RGS7: variants seen among roughly 807,000 people sequenced by gnomAD.
RGS7 encodes the protein regulator of G protein signaling 7.
A neutral mutation model predicts 81.1 loss-of-function variants in RGS7; 27 were observed. The ratio of observed to expected loss-of-function variants is 0.33; its 90% CI spans 0.25 to 0.46. The LOEUF is 0.46. RGS7 is among the 20% of genes least tolerant of loss of function. The pLI is 1.00. For missense variants in RGS7, 396 were observed against 607.4 expected (o/e 0.65, Z 3.66); for synonymous variants, 208 against 207.7 (o/e 1.00, Z -0.01).
Position 241,309,601 on chromosome 1 carries a change from C to T in RGS7, c.78+46098G>A, listed in dbSNP as rs1434024182. ...TGCCACTCGACAGGAAAGATATAGA[C>T]AATAAAGTCATCCTTTAAGGTGTTA... On this transcript the variant is annotated intron_variant, in intron 2 of 18. Transcript: ENST00000440928. Among the ~76,000 whole-genome samples, 3 of 152,056 alleles carry T rather than the reference C, an allele frequency of 2.0e-5. No individual in the cohort carries two copies. In the South Asian group the frequency reaches 6.2e-4, roughly 32 times the overall value.
chr1:241,288,176 C>T (rs1228912770), intron 2 of RGS7, among the ~76,000 whole-genome samples: 1 of 152,212 alleles, frequency 6.6e-6, no homozygotes, highest in African/African-American at 2.4e-5. Flanking sequence ...AAGAAATGAA[C>T]ATTGGCAGAT....
At chr1:241,072,141 T>C (rs1024724317) in intron 3 of RGS7, among the ~76,000 whole-genome samples, 9 of 152,106 alleles carry the variant, frequency 5.9e-5, no homozygotes, top group Admixed American at 1.3e-4. Context: ...GCACACCTGA[T>C]GAGTTAAGCC....
chr1:241,031,361 T>C (rs1436634271), intron 3 of RGS7, among the ~76,000 whole-genome samples: 1 of 152,222 alleles, frequency 6.6e-6, no homozygotes, highest in Non-Finnish European at 1.5e-5. Flanking sequence ...CCATATTTTC[T>C]TTCTCCAGTC....
chr1:241,221,039 A>AAAAGAAAG (rs60833569), intron 2 of RGS7, among the ~76,000 whole-genome samples: 1,842 of 92,668 alleles, frequency 0.02, 55 homozygotes, highest in East Asian at 0.049. Context: ...GGAAGGAAGG[A>AAAAGAAAG]AAAGAAAGAA....
chr1:241,282,665 G>A (rs775849522), intron 2 of RGS7, among the ~76,000 whole-genome samples: 15 of 152,152 alleles, frequency 9.9e-5, no homozygotes, highest in Non-Finnish European at 1.9e-4. Context: ...AAAGCATTCA[G>A]TCTTTCACCA....
At chr1:241,217,876 A>C (rs916971496) in intron 2 of RGS7, among the ~76,000 whole-genome samples, 1 of 152,238 alleles carries the variant, frequency 6.6e-6, no homozygotes, top group Admixed American at 6.5e-5. Context: ...AGAACCTTTC[A>C]GGAGGCTTTC....
intron 2 of RGS7, among the ~76,000 whole-genome samples, chr1:241,121,931 C>T (rs944014494): frequency 9.2e-5 from 14 of 151,850 alleles, no homozygotes; most frequent in African/African-American, 3.1e-4. Context: ...TTCAAATTCC[C>T]GAGCTTACGC....
intron 2 of RGS7, among the ~76,000 whole-genome samples, chr1:241,175,886 G>A (rs949776488): frequency 7.9e-5 from 12 of 152,166 alleles, no homozygotes; most frequent in African/African-American, 2.9e-4. Flanking sequence ...TAGCTAAGAA[G>A]AATAGTGAAC....
chr1:240,870,716 T>G (rs1664335011), intron 6 of RGS7, among the ~76,000 whole-genome samples: 1 of 152,164 alleles, frequency 6.6e-6, no homozygotes, highest in Non-Finnish European at 1.5e-5. Context: ...CAAAACCTCC[T>G]AAAAGGGTCA....
chr1:241,166,919 C>G (rs893069160), intron 2 of RGS7, among the ~76,000 whole-genome samples: 4 of 152,138 alleles, frequency 2.6e-5, no homozygotes, highest in African/African-American at 4.8e-5. Flanking sequence ...CTACTGCCAG[C>G]GATGGGAATC....
chr1:240,983,094 T>G lies in RGS7; in HGVS notation c.211A>C (p.Thr71Pro), dbSNP rs573507054. ...DIVQWLIKNL[T>P]IEDPVEALHL... Reference sequence around the variant, plus strand: ...ATTTATTTACCTGGATCTTCTATAGTTAAGTTCTTTATCAACCATTGAACA... The same window carrying G: ...ATTTATTTACCTGGATCTTCTATAGGTAAGTTCTTTATCAACCATTGAACA... The change falls in exon 4 of 19, where the codon ACT becomes CCT. Residue 71 changes from threonine (T) to proline (P), a missense_variant. Physicochemically the swap from Thr to Pro is conservative, Grantham distance 38. Transcript: ENST00000440928. 6.5e-7 allele frequency: 1 copy of G among 1,544,748 alleles called. No homozygotes were observed. Among genetic ancestry groups the G allele is most frequent in the African/African-American group, 1.4e-5 (1 of 73,656 alleles).
At chr1:241,030,078 AAAGATT>A (rs1227743876) in intron 3 of RGS7, among the ~76,000 whole-genome samples, 1 of 152,130 alleles carries the variant, frequency 6.6e-6, no homozygotes, top group Non-Finnish European at 1.5e-5. Context: ...CACTGAGAGT[AAAGATT>A]ACTCTTTTTA....
chr1:240,802,359 G>A (rs546640974), intron 16 of RGS7, among the ~76,000 whole-genome samples: 1 of 152,106 alleles, frequency 6.6e-6, no homozygotes, highest in Non-Finnish European at 1.5e-5. Flanking sequence ...CCCCCATAAT[G>A]TGCTTGGCTA....
chr1:240,864,784 G>T (rs1277227992), intron 9 of RGS7, among the ~76,000 whole-genome samples: 3 of 152,086 alleles, frequency 2.0e-5, no homozygotes, highest in African/African-American at 7.2e-5. Context: ...TGATAAGGCT[G>T]GAGGAAAAAA....
At chr1:240,864,217 C>T (rs969837044) in intron 9 of RGS7, among the ~76,000 whole-genome samples, 5 of 152,078 alleles carry the variant, frequency 3.3e-5, no homozygotes, top group African/African-American at 1.2e-4. Context: ...ATATCTGGCA[C>T]ATACTGATAT....
intron 9 of RGS7, among the ~76,000 whole-genome samples, chr1:240,838,594 T>C (rs1411936665): frequency 2.0e-5 from 3 of 152,214 alleles, no homozygotes; most frequent in Admixed American, 2.0e-4. Flanking sequence ...AGTTCTTTTC[T>C]AGATTTCATA....
chr1:241,086,672 C>T (rs919924549), intron 3 of RGS7, among the ~76,000 whole-genome samples: 3 of 152,032 alleles, frequency 2.0e-5, no homozygotes, highest in African/African-American at 7.2e-5. Flanking sequence ...CTGCTATTTC[C>T]CTGCTCAAAA....
chr1:241,104,700 T>C (rs1305475485), intron 2 of RGS7, among the ~76,000 whole-genome samples: 1 of 152,236 alleles, frequency 6.6e-6, no homozygotes, highest in Non-Finnish European at 1.5e-5. Flanking sequence ...CAAAGTAATT[T>C]TGAGAATATG....
At chr1:240,889,489 G>A (rs890547764) in intron 6 of RGS7, among the ~76,000 whole-genome samples, 1 of 152,162 alleles carries the variant, frequency 6.6e-6, no homozygotes, top group Non-Finnish European at 1.5e-5. Context: ...CCCTGGCTAG[G>A]GGCTCAGGTT....
Sources: allele counts gnomAD v4.1 joint callset (sites outside exome capture counted in the v4.1 genomes callset), GRCh38; gene constraint gnomAD v4.1.1; transcripts MANE v1.5; gene names NCBI Gene and HGNC (gene_info 2026-07-23, HGNC 2026-07-21).